Variants in CNST observed in about 807,000 individuals in gnomAD.
CNST encodes consortin, connexin sorting protein, also known as consortin.
Under a neutral mutation model 72.4 loss-of-function variants are expected in CNST, and 39 were observed. The observed-to-expected ratio is 0.54, with a 90% CI of 0.42 to 0.70. The LOEUF (loss-of-function observed/expected upper bound fraction) is 0.70. Ranked by LOEUF, CNST falls within the 30% of genes least tolerant of loss-of-function variation. The probability of loss-of-function intolerance (pLI) is 0.00; values close to 1 mark genes in which losing one functional copy is unlikely to be tolerated. For missense variants in CNST, 871 were observed against 868.5 expected (o/e 1.00, Z -0.04); for synonymous variants, 332 against 320.1 (o/e 1.04, Z -0.40).
intron 1 of CNST, among the ~76,000 whole-genome samples, chr1:246,586,105 A>ATG (rs1305896995): frequency 1.2e-4 from 4 of 33,892 alleles, no homozygotes; most frequent in Non-Finnish European, 1.7e-4. Context: ...ATATATATAT[A>ATG]TATATATGTG....
At chr1:246,584,881 G>T (rs958042704) in intron 1 of CNST, among the ~76,000 whole-genome samples, 1 of 152,078 alleles carries the variant, frequency 6.6e-6, no homozygotes, top group East Asian at 1.9e-4. Flanking sequence ...AAATCAAGAC[G>T]TGATCTCTTG....
intron 6 of CNST, among the ~76,000 whole-genome samples, chr1:246,634,910 C>G (rs111452143): frequency 1.3e-5 from 2 of 150,636 alleles, no homozygotes; most frequent in Non-Finnish European, 2.9e-5. Flanking sequence ...TCTGATGTAA[C>G]GGCTACGTGG....
chr1:246,597,268 C>G (rs3007401), intron 2 of CNST, among the ~76,000 whole-genome samples: 67,091 of 151,982 alleles, frequency 0.44, 16,327 homozygotes, highest in Non-Finnish European at 0.54. Flanking sequence ...ATAAAATTCA[C>G]CTTTTTAAAG....
rs577176305 is a variant in CNST, at chr1:246,667,250, C to A, written c.*1345C>A. On this transcript the variant is annotated 3_prime_UTR_variant, in exon 11 of 11. Transcript: ENST00000366513. ...GAACTTACTTTCTAGTTGTTACTGGCTGGCACAGTACCTCCCTTTGTGTTT... is the reference window on the plus strand; with the variant it reads ...GAACTTACTTTCTAGTTGTTACTGGATGGCACAGTACCTCCCTTTGTGTTT... 2.0e-5 allele frequency: 3 copies of A among 152,272 alleles called. No individual in the cohort carries two copies. Among genetic ancestry groups the A allele is most frequent in the Admixed American group, 2.0e-4 (3 of 15,288 alleles). The allele number at this position is 152,272 out of a possible 1,614,324, so 9.4% of individuals were successfully genotyped here. A position where few individuals can be genotyped will look rare whatever the true frequency, so the allele number is the denominator to read the frequency against.
chr1:246,574,581 A>AT (rs879554267), intron 1 of CNST, among the ~76,000 whole-genome samples: 183 of 147,214 alleles, frequency 1.2e-3, no homozygotes, highest in East Asian at 4.4e-3. Flanking sequence ...ATGCAGTCTA[A>AT]TTTTTTTTTT....
chr1:246,624,456 G>A (rs984113608), intron 3 of CNST, among the ~76,000 whole-genome samples: 12 of 152,226 alleles, frequency 7.9e-5, no homozygotes, highest in African/African-American at 1.4e-4. Flanking sequence ...TTGACGTACA[G>A]TAAAAGCCAA....
At chr1:246,576,860 C>A (rs1374145041) in intron 1 of CNST, among the ~76,000 whole-genome samples, 1 of 151,960 alleles carries the variant, frequency 6.6e-6, no homozygotes, top group Non-Finnish European at 1.5e-5. Flanking sequence ...CCCTACCCTC[C>A]ACCCACATCC....
chr1:246,648,147 GA>G, intron 9 of CNST, 110 bp downstream of exon 9: 1 of 1,457,194 alleles, frequency 6.9e-7, no homozygotes, highest in South Asian at 1.5e-5. Context: ...AAACATGAGG[GA>G]AAATTCTAGT....
intron 9 of CNST, among the ~76,000 whole-genome samples, chr1:246,659,589 T>C (rs150161764): frequency 0.011 from 1,559 of 147,580 alleles, 31 homozygotes; most frequent in African/African-American, 0.037. Flanking sequence ...AGCAAGACTC[T>C]GTCTCAAAAA....
chr1:246,589,004 T>C lies in CNST; in HGVS notation c.-51-2508T>C, dbSNP rs141398427. Among the ~76,000 whole-genome samples the C allele has an allele frequency of 5.1e-4, 78 of 152,308 alleles. No homozygotes were observed. In the East Asian group the frequency reaches 0.015, roughly 29 times the overall value. On this transcript the variant is annotated intron_variant, in intron 1 of 10. Transcript: ENST00000366513. ...GTGTGTTCATATTTCAGGTACTCAATAGCCCTGTGTGGTTAGTGGCTACCA... is the reference window on the plus strand; with the variant it reads ...GTGTGTTCATATTTCAGGTACTCAACAGCCCTGTGTGGTTAGTGGCTACCA...
intron 2 of CNST, among the ~76,000 whole-genome samples, chr1:246,612,786 G>T (rs1389130489): frequency 6.6e-6 from 1 of 152,114 alleles, no homozygotes; most frequent in Non-Finnish European, 1.5e-5. Flanking sequence ...TTCAGAGGCT[G>T]CAGTGGGAGG....
chr1:246,660,598 G>A (rs1020285560), intron 10 of CNST, among the ~76,000 whole-genome samples: 3 of 152,050 alleles, frequency 2.0e-5, no homozygotes, highest in Admixed American at 6.5e-5. Flanking sequence ...GGGGGTACGC[G>A]CCTGTAATCC....
At position 246,666,155 on chromosome 1, in the gene CNST, C is replaced by G. The variant is rs1298863065; in HGVS notation, c.*250C>G. 3 of 461,066 alleles carry G rather than the reference C, an allele frequency of 6.5e-6. No homozygotes were observed. Among genetic ancestry groups the G allele is most frequent in the African/African-American group, 3.9e-5 (2 of 51,304 alleles). 28.6% of individuals were successfully genotyped at this position (461,066 alleles called of 1,614,324 possible). On this transcript the variant is annotated 3_prime_UTR_variant, in exon 11 of 11. Transcript: ENST00000366513. ...GGAGAGAGCATATCCATCTCCTCCT[C>G]ACTGCCTCCTAATGTCATGAGGTAC...
Position 246,586,111 on chromosome 1 carries a change from A to ATATATGTGTGTG in CNST, c.-51-5400_-51-5399insATATGTGTGTGT, listed in dbSNP as rs777928408. On this transcript the variant is annotated intron_variant, in intron 1 of 10. Transcript: ENST00000366513. ...GAGGGGGAGATATATATATATATAT[A>ATATATGTGTGTG]TGTGTGTGTGTGTGTGTGTGTGTGT... Among the ~76,000 whole-genome samples, 415 of 102,674 alleles carry ATATATGTGTGTG rather than the reference A, an allele frequency of 4.0e-3. 4 individuals are homozygous for ATATATGTGTGTG. The highest frequency in any genetic ancestry group is 0.016 in the African/African-American group (394 of 25,016). 67.4% of individuals were successfully genotyped at this position (102,674 alleles called of 152,430 possible). A position where few individuals can be genotyped will look rare whatever the true frequency, so the allele number is the denominator to read the frequency against.
intron 2 of CNST, among the ~76,000 whole-genome samples, chr1:246,620,700 G>A (rs1664023950): frequency 7.2e-6 from 1 of 138,534 alleles, no homozygotes; most frequent in Non-Finnish European, 1.5e-5. Context: ...AGGGAGGACG[G>A]CTTCAGTCGT....
At chr1:246,653,934 G>C (rs752619924) in intron 9 of CNST, among the ~76,000 whole-genome samples, 1 of 152,146 alleles carries the variant, frequency 6.6e-6, no homozygotes. Flanking sequence ...TAGAGTGATA[G>C]GAAGAAGGTT....
chr1:246,608,595 T>C (rs1366568832), intron 2 of CNST, among the ~76,000 whole-genome samples: 1 of 152,198 alleles, frequency 6.6e-6, no homozygotes. Flanking sequence ...CTCTAGACAG[T>C]GGTGGAGCTT....
At chr1:246,568,815 G>C (rs1370983632) in intron 1 of CNST, among the ~76,000 whole-genome samples, 1 of 152,146 alleles carries the variant, frequency 6.6e-6, no homozygotes. Context: ...GTGATCCTCC[G>C]ACCTCCACCT....
chr1:246,635,591 C>T (rs1463591460), intron 6 of CNST, among the ~76,000 whole-genome samples: 2 of 152,206 alleles, frequency 1.3e-5, no homozygotes, highest in African/African-American at 4.8e-5. Flanking sequence ...AGACCGCACC[C>T]TCTTCTGCTA....
Sources: gnomAD v4.1 joint callset for allele counts (sites outside exome capture counted in the v4.1 genomes callset) on GRCh38, gnomAD v4.1.1 for gene constraint, MANE v1.5 for transcripts, NCBI Gene and HGNC (gene_info 2026-07-23, HGNC 2026-07-21) for gene names.